CADM2: variants seen among roughly 807,000 people sequenced by gnomAD.
CADM2 encodes immunoglobulin superfamily member 4D.
In CADM2, 12 loss-of-function variants were observed where a neutral mutation model predicts 49.8. That is an observed-to-expected ratio of 0.24 (90% CI 0.15 to 0.39). The LOEUF is 0.39. CADM2 is among the 10% of genes least tolerant of loss of function. The pLI is 1.00. For synonymous variants in CADM2, 214 were observed against 175.4 expected, an observed-to-expected ratio of 1.22 and a Z score of -1.74; for missense variants, 378 against 492.3, an observed-to-expected ratio of 0.77 and a Z score of 2.20.
At chr3:85,757,192 A>G (rs1340484059) in intron 2 of CADM2, among the ~76,000 whole-genome samples, 1 of 152,172 alleles carries the variant, frequency 6.6e-6, no homozygotes, top group Non-Finnish European at 1.5e-5. Context: ...CAACTTGGAG[A>G]AGAAATTAAC....
At chr3:85,375,733 C>T (rs2033556337) in intron 1 of CADM2, among the ~76,000 whole-genome samples, 2 of 152,102 alleles carry the variant, frequency 1.3e-5, no homozygotes, top group African/African-American at 4.8e-5. Context: ...GTGTTCTCTT[C>T]CATTGATTTA....
intron 1 of CADM2, among the ~76,000 whole-genome samples, chr3:85,298,726 G>T (rs1215420005): frequency 6.6e-6 from 1 of 151,994 alleles, no homozygotes; most frequent in Non-Finnish European, 1.5e-5. Context: ...CAAAATTTAT[G>T]TAAAAATAAT....
chr3:85,839,162 T>C (rs925039819), intron 3 of CADM2, among the ~76,000 whole-genome samples: 10 of 151,848 alleles, frequency 6.6e-5, no homozygotes, highest in Non-Finnish European at 1.3e-4. Flanking sequence ...TTAACATTGC[T>C]GTTCACCTGG....
intron 1 of CADM2, among the ~76,000 whole-genome samples, chr3:85,502,557 G>C (rs1249344535): frequency 6.6e-6 from 1 of 152,106 alleles, no homozygotes; most frequent in African/African-American, 2.4e-5. Flanking sequence ...TATCAGTTTG[G>C]AAGGGCTTTT....
chr3:85,427,925 A>T (rs1179142454), intron 1 of CADM2, among the ~76,000 whole-genome samples: 1 of 152,090 alleles, frequency 6.6e-6, no homozygotes, highest in Non-Finnish European at 1.5e-5. Context: ...ACTTCAATGG[A>T]ATTGAATGAC....
In CADM2 at chr3:86,013,635, G is replaced by A. The variant is rs1201577017; in HGVS notation, c.971-51970G>A. ...ACACTTCTTTTCCATTATCACTGAC[G>A]ATGTAGTGGACATAGCAGGGGAAGA... On this transcript the variant is annotated intron_variant, in intron 8 of 9. Transcript: ENST00000383699. The A allele has an allele frequency of 8.7e-6, 14 of 1,601,410 alleles. No individual in the cohort carries two copies. The Admixed American group carries it at 1.7e-4, about 19-fold the overall frequency.
chr3:85,624,650 C>A (rs554545799), intron 1 of CADM2, among the ~76,000 whole-genome samples: 1 of 151,928 alleles, frequency 6.6e-6, no homozygotes, highest in Non-Finnish European at 1.5e-5. Flanking sequence ...AGGAACACAT[C>A]GAAAATAGAT....
intron 1 of CADM2, among the ~76,000 whole-genome samples, chr3:85,563,452 T>C (rs1295598478): frequency 6.6e-6 from 1 of 151,464 alleles, no homozygotes; most frequent in Non-Finnish European, 1.5e-5. Flanking sequence ...CCAACATTTT[T>C]CAATATTAAA....
intron 1 of CADM2, among the ~76,000 whole-genome samples, chr3:85,721,943 G>A (rs2067518318): frequency 6.6e-6 from 1 of 152,214 alleles, no homozygotes; most frequent in Non-Finnish European, 1.5e-5. Context: ...AGCAAGTTGA[G>A]GAGGAGCTTT....
chr3:85,249,558 C>T (rs1192437113), intron 1 of CADM2, among the ~76,000 whole-genome samples: 1 of 151,850 alleles, frequency 6.6e-6, no homozygotes, highest in Non-Finnish European at 1.5e-5. Context: ...TACTAATTTA[C>T]TCAACAATAT....
intron 3 of CADM2, among the ~76,000 whole-genome samples, chr3:85,881,078 C>A (rs1276010435): frequency 6.6e-6 from 1 of 152,020 alleles, no homozygotes; most frequent in Non-Finnish European, 1.5e-5. Context: ...TCTTTGCTAT[C>A]TTTTCTTTTT....
chr3:85,902,863 T>C (rs1290773696), intron 5 of CADM2, among the ~76,000 whole-genome samples: 2 of 151,762 alleles, frequency 1.3e-5, no homozygotes, highest in South Asian at 4.2e-4. Flanking sequence ...TTTTGTAGTA[T>C]TGTTGTTAAA....
chr3:85,150,738 T>TA (rs575341509), intron 1 of CADM2, among the ~76,000 whole-genome samples: 2,919 of 142,162 alleles, frequency 0.021, 42 homozygotes, highest in South Asian at 0.028. Context: ...CCGTCTCTAC[T>TA]AAAAAAAAAA....
At chr3:85,601,499 G>A (rs1032007254) in intron 1 of CADM2, among the ~76,000 whole-genome samples, 15 of 151,136 alleles carry the variant, frequency 9.9e-5, no homozygotes, top group South Asian at 4.2e-4. Context: ...TTGTTTCATA[G>A]AGTGTTTTTG....
At chr3:85,505,303 G>A (rs979565638) in intron 1 of CADM2, among the ~76,000 whole-genome samples, 1 of 152,176 alleles carries the variant, frequency 6.6e-6, no homozygotes, top group African/African-American at 2.4e-5. Context: ...GTATATATGC[G>A]TATATTCATA....
chr3:85,718,882 T>TTTATTATTATTA (rs71112111), intron 1 of CADM2, among the ~76,000 whole-genome samples: 37 of 141,338 alleles, frequency 2.6e-4, no homozygotes, highest in East Asian at 6.3e-4. Context: ...TTAATGGTAT[T>TTTATTATTATTA]TTATTATTAT....
chr3:85,881,514 C>T (rs527909424), intron 3 of CADM2, among the ~76,000 whole-genome samples: 2 of 152,142 alleles, frequency 1.3e-5, no homozygotes, highest in African/African-American at 4.8e-5. Context: ...TAGATTTATT[C>T]TAAGAAGCAG....
intron 8 of CADM2, among the ~76,000 whole-genome samples, chr3:86,031,700 T>C (rs1734577908): frequency 6.6e-6 from 1 of 151,780 alleles, no homozygotes; most frequent in Admixed American, 6.6e-5. Context: ...TGAAAGGCAA[T>C]TACATTGCTT....
At chr3:85,132,642 A>ATATATATTTT (rs533231548) in intron 1 of CADM2, among the ~76,000 whole-genome samples, 1 of 151,518 alleles carries the variant, frequency 6.6e-6, no homozygotes, top group Admixed American at 6.6e-5. Flanking sequence ...ATATATATAT[A>ATATATATTTT]TTTAGTCATT....
Sources: allele counts gnomAD v4.1 joint callset (sites outside exome capture counted in the v4.1 genomes callset), GRCh38; gene constraint gnomAD v4.1.1; transcripts MANE v1.5; gene names NCBI Gene and HGNC (gene_info 2026-07-23, HGNC 2026-07-21).